LRRC4C: variants seen among roughly 807,000 people sequenced by gnomAD.
LRRC4C encodes the protein leucine-rich repeat-containing protein 4C.
In LRRC4C, 5 loss-of-function variants were observed where a neutral mutation model predicts 33.6. That is an observed-to-expected ratio of 0.15 (90% CI 0.08 to 0.31). The LOEUF (loss-of-function observed/expected upper bound fraction) is 0.31, where lower values mean the gene tolerates loss of function less well. Among genes scored for constraint, LRRC4C ranks in the 10% least tolerant of loss-of-function variants. The pLI is 1.00. For missense variants in LRRC4C, 560 were observed against 796.7 expected (o/e 0.70, Z 3.58); for synonymous variants, 329 against 302.0 (o/e 1.09, Z -0.93).
At chr11:40,413,944 T>G (rs943000919) in intron 3 of LRRC4C, among the ~76,000 whole-genome samples, 1 of 152,102 alleles carries the variant, frequency 6.6e-6, no homozygotes, top group Non-Finnish European at 1.5e-5. Flanking sequence ...CTCCTTTAAA[T>G]GGTGAATTTT....
At chr11:41,408,754 A>AAAAAACAAAAAC (rs1555167128) in intron 1 of LRRC4C, among the ~76,000 whole-genome samples, 9 of 149,428 alleles carry the variant, frequency 6.0e-5, no homozygotes, top group African/African-American at 2.3e-4. Flanking sequence ...TTGTAAAAAA[A>AAAAAACAAAAAC]AAAAAAAAAA....
intron 2 of LRRC4C, among the ~76,000 whole-genome samples, chr11:40,784,937 ATGTGACTG>A (rs1184064506): frequency 6.6e-6 from 1 of 152,120 alleles, no homozygotes; most frequent in Admixed American, 6.5e-5. Context: ...GAGGAAGAAA[ATGTGACTG>A]TTTGGGACTT....
intron 1 of LRRC4C, among the ~76,000 whole-genome samples, chr11:40,964,443 A>G (rs974001644): frequency 1.3e-5 from 2 of 151,796 alleles, no homozygotes; most frequent in African/African-American, 4.8e-5. Context: ...ATATGTAAAC[A>G]TATGCCATGT....
chr11:40,437,462 C>T (rs778664676), intron 3 of LRRC4C, among the ~76,000 whole-genome samples: 95 of 151,916 alleles, frequency 6.3e-4, no homozygotes, highest in Non-Finnish European at 1.2e-3. Context: ...GGCACAATCC[C>T]GGCTCACTGT....
chr11:40,928,342 A>T (rs1376060147), intron 2 of LRRC4C, among the ~76,000 whole-genome samples: 1 of 151,672 alleles, frequency 6.6e-6, no homozygotes, highest in African/African-American at 2.4e-5. Flanking sequence ...AAATAAAAAC[A>T]TATTGAAAAT....
At chr11:40,215,338 G>A (rs1347724819) in intron 5 of LRRC4C, among the ~76,000 whole-genome samples, 1 of 152,090 alleles carries the variant, frequency 6.6e-6, no homozygotes, top group Non-Finnish European at 1.5e-5. Context: ...TTTCCTGAAC[G>A]CTGTTCAGTG....
Position 40,115,580 on chromosome 11 carries a change from GAGCC to G in LRRC4C, c.709_712del (p.Gly237LeufsTer5). On this transcript the variant is annotated frameshift_variant, in exon 7 of 7. Transcript: ENST00000528697. LOFTEE classifies it high-confidence loss of function. The surrounding 1 kb of genome is among the most constrained non-coding windows in gnomAD (Gnocchi z 6.7). ...TTGAAGGTGCATCAAACCCTGGAAA[GAGCC>G]AGGCCTGATGGCAGATAAATGATTC... 1 of 1,614,170 alleles carries G rather than the reference GAGCC, an allele frequency of 6.2e-7. No individual in the cohort carries two copies. The highest frequency in any genetic ancestry group is 8.5e-7 in the Non-Finnish European group (1 of 1,180,028).
At chr11:40,159,440 C>A (rs914821236) in intron 5 of LRRC4C, among the ~76,000 whole-genome samples, 9 of 152,090 alleles carry the variant, frequency 5.9e-5, no homozygotes, top group African/African-American at 2.2e-4. Context: ...CATCCCAGTG[C>A]AGGCCAGCTG....
chr11:41,376,857 G>A (rs1386691782), intron 1 of LRRC4C, among the ~76,000 whole-genome samples: 2 of 151,960 alleles, frequency 1.3e-5, no homozygotes, highest in African/African-American at 4.8e-5. Context: ...ACACACATAC[G>A]TAGATCATAG....
chr11:41,027,169 T>C (rs1465212385), intron 1 of LRRC4C, among the ~76,000 whole-genome samples: 1 of 151,564 alleles, frequency 6.6e-6, no homozygotes, highest in East Asian at 1.9e-4. Flanking sequence ...TGCATAACAA[T>C]ACAATTACTA....
At chr11:40,538,257 T>C (rs1956558239) in intron 3 of LRRC4C, among the ~76,000 whole-genome samples, 1 of 151,950 alleles carries the variant, frequency 6.6e-6, no homozygotes, top group Non-Finnish European at 1.5e-5. Context: ...TCATTATTTT[T>C]ATCCTCCTAA....
At chr11:40,633,237 C>T (rs1028644057) in intron 3 of LRRC4C, among the ~76,000 whole-genome samples, 1 of 152,116 alleles carries the variant, frequency 6.6e-6, no homozygotes, top group African/African-American at 2.4e-5. Context: ...TGTATACACT[C>T]ACAGACACAC....
At chr11:41,338,733 A>C (rs969956111) in intron 1 of LRRC4C, among the ~76,000 whole-genome samples, 2 of 152,180 alleles carry the variant, frequency 1.3e-5, no homozygotes, top group Non-Finnish European at 2.9e-5. Flanking sequence ...TAAAAAATAA[A>C]TGCTTGGCAT....
intron 3 of LRRC4C, among the ~76,000 whole-genome samples, chr11:40,442,735 T>C (rs1951452658): frequency 1.3e-5 from 2 of 152,216 alleles, no homozygotes; most frequent in South Asian, 4.1e-4. Flanking sequence ...TGAATTTCTA[T>C]TCAGAACATT....
At chr11:40,170,485 C>T (rs958534143) in intron 5 of LRRC4C, among the ~76,000 whole-genome samples, 3 of 150,808 alleles carry the variant, frequency 2.0e-5, no homozygotes, top group Admixed American at 6.6e-5. Context: ...CTCACAGTGA[C>T]GCTACATTAA....
intron 1 of LRRC4C, among the ~76,000 whole-genome samples, chr11:41,220,525 CACAG>C (rs1253804227): frequency 1.0e-5 from 1 of 97,728 alleles, no homozygotes; most frequent in Non-Finnish European, 2.0e-5. Flanking sequence ...ATATTAAACA[CACAG>C]ACATACACAC....
rs150030533 is a variant in LRRC4C at position 40,121,187 on chromosome 11, T to C, written c.-42-4853A>G. Among the ~76,000 whole-genome samples the C allele has an allele frequency of 1.8e-3, 269 of 152,316 alleles. 4 individuals carry two copies. Among genetic ancestry groups the C allele is most frequent in the African/African-American group, 6.2e-3 (258 of 41,588 alleles). The stretch of plus-strand genomic sequence containing the variant: ...CAGTAAAACACACGCAACAATGATA[T>C]ATTGCTATTACTTAAAAGGTATATG... On this transcript the variant is annotated intron_variant, in intron 6 of 6. Transcript: ENST00000528697.
chr11:40,124,745 T>G (rs2134708109), intron 6 of LRRC4C, among the ~76,000 whole-genome samples: 1 of 152,248 alleles, frequency 6.6e-6, no homozygotes, highest in Non-Finnish European at 1.5e-5. Flanking sequence ...ATCTATTTGA[T>G]AGCACAATAG....
intron 2 of LRRC4C, among the ~76,000 whole-genome samples, chr11:40,807,302 C>A (rs759303434): frequency 6.6e-6 from 1 of 152,194 alleles, no homozygotes; most frequent in Non-Finnish European, 1.5e-5. Flanking sequence ...ACTAGTCCTG[C>A]GACAGGCTTC....
Sources: allele counts gnomAD v4.1 joint callset (sites outside exome capture counted in the v4.1 genomes callset), GRCh38; gene constraint gnomAD v4.1.1; non-coding constraint Gnocchi (gnomAD v3.1); transcripts MANE v1.5; gene names NCBI Gene and HGNC (gene_info 2026-07-23, HGNC 2026-07-21).